The following AATF variants were observed in gnomAD, a reference collection of about 807,000 sequenced individuals.
AATF encodes the protein apoptosis antagonizing transcription factor, also known as protein AATF.
A neutral mutation model predicts 63.7 loss-of-function variants in AATF; 48 were observed. The observed-to-expected ratio is 0.75, with a 90% CI of 0.60 to 0.96. The LOEUF (loss-of-function observed/expected upper bound fraction) is 0.96. Among genes scored for constraint, AATF ranks in the 40% least tolerant of loss-of-function variants. The pLI, the probability that AATF is intolerant of heterozygous loss-of-function variation, is 0.00. For missense variants in AATF, 639 were observed against 685.7 expected, an observed-to-expected ratio of 0.93 and a Z score of 0.76; for synonymous variants, 258 against 247.7, an observed-to-expected ratio of 1.04 and a Z score of -0.39.
At chr17:37,015,238 G>A (rs2071420429) in intron 8 of AATF, among the ~76,000 whole-genome samples, 1 of 152,214 alleles carries the variant, frequency 6.6e-6, no homozygotes, top group Non-Finnish European at 1.5e-5. Flanking sequence ...CTCTTTGTTA[G>A]AGTAGCCTTG....
At chr17:36,993,078 G>A (rs898095289) in intron 8 of AATF, among the ~76,000 whole-genome samples, 2 of 152,198 alleles carry the variant, frequency 1.3e-5, no homozygotes, top group African/African-American at 2.4e-5. Context: ...AGGAATGGGT[G>A]CAAGTCTTGA....
chr17:37,040,137 CAG>C (rs1447229854), intron 11 of AATF, among the ~76,000 whole-genome samples: 1,933 of 152,134 alleles, frequency 0.013, 39 homozygotes, highest in African/African-American at 0.044. Flanking sequence ...CAATATCTTA[CAG>C]ATATTGTATT....
intron 7 of AATF, among the ~76,000 whole-genome samples, chr17:36,990,523 C>G (rs921437881): frequency 4.6e-5 from 7 of 152,082 alleles, no homozygotes; most frequent in African/African-American, 1.7e-4. Context: ...TCTTCTAATT[C>G]TAATTTACAC....
chr17:36,976,724 C>T (rs778284458), intron 4 of AATF, among the ~76,000 whole-genome samples: 4 of 152,104 alleles, frequency 2.6e-5, no homozygotes, highest in South Asian at 2.1e-4. Flanking sequence ...AGTGTTTTTA[C>T]GTAAACACAA....
chr17:36,999,944 CAA>C (rs1330298122), intron 8 of AATF: 1 of 152,250 alleles, frequency 6.6e-6, no homozygotes, highest in African/African-American at 2.4e-5. Context: ...GAGAGGAAGT[CAA>C]GAGGTAATGG....
intron 4 of AATF, among the ~76,000 whole-genome samples, chr17:36,982,755 A>G (rs2071137064): frequency 6.6e-6 from 1 of 152,166 alleles, no homozygotes; most frequent in Non-Finnish European, 1.5e-5. Context: ...GTCATTAAGG[A>G]CATTCACATT....
chr17:37,042,070 A>C (rs8072975), intron 11 of AATF, among the ~76,000 whole-genome samples: 2 of 151,864 alleles, frequency 1.3e-5, no homozygotes, highest in Non-Finnish European at 2.9e-5. Flanking sequence ...TGAATTCTCT[A>C]TATTATGGCT....
At chr17:37,051,895 A>G (rs1410099167) in intron 11 of AATF, among the ~76,000 whole-genome samples, 3 of 152,224 alleles carry the variant, frequency 2.0e-5, no homozygotes, top group Non-Finnish European at 4.4e-5. Context: ...CTACAGCTTA[A>G]TGACAGTTTA....
chr17:37,039,903 T>C (rs569652538), intron 11 of AATF, among the ~76,000 whole-genome samples: 1 of 152,336 alleles, frequency 6.6e-6, no homozygotes, highest in African/African-American at 2.4e-5. Flanking sequence ...GCACATCTTC[T>C]AGAAAGAGAT....
chr17:37,002,197 G>A (rs1249946803), intron 8 of AATF, among the ~76,000 whole-genome samples: 18 of 109,240 alleles, frequency 1.6e-4, no homozygotes, highest in Admixed American at 1.4e-3. Context: ...GGGAGACTCC[G>A]TCTCAAAAAA....
intron 8 of AATF, among the ~76,000 whole-genome samples, chr17:36,999,542 C>A (rs895893940): frequency 4.6e-5 from 7 of 152,164 alleles, no homozygotes; most frequent in African/African-American, 1.7e-4. Context: ...ACAGAAAGTT[C>A]TCTTGGAGCT....
At chr17:37,049,728 G>A (rs1194606768) in intron 11 of AATF, among the ~76,000 whole-genome samples, 3 of 152,174 alleles carry the variant, frequency 2.0e-5, no homozygotes, top group African/African-American at 4.8e-5. Context: ...CAGAATGGAG[G>A]CACGTGCTTT....
chr17:36,982,633 T>C (rs2071135922), intron 4 of AATF, among the ~76,000 whole-genome samples: 1 of 152,156 alleles, frequency 6.6e-6, no homozygotes, highest in Non-Finnish European at 1.5e-5. Context: ...ATTACAGGCG[T>C]GAGCCACCGC....
intron 8 of AATF, among the ~76,000 whole-genome samples, chr17:36,996,268 C>CA (rs980923733): frequency 6.6e-6 from 1 of 151,742 alleles, no homozygotes; most frequent in African/African-American, 2.4e-5. Flanking sequence ...TCCGTCTCTA[C>CA]AAAAAATGCA....
chr17:36,965,010 T>C (rs886751267), intron 4 of AATF, among the ~76,000 whole-genome samples: 1 of 152,210 alleles, frequency 6.6e-6, no homozygotes, highest in Non-Finnish European at 1.5e-5. Context: ...ATCTGAGTTC[T>C]TGTAGGTTTG....
intron 11 of AATF, among the ~76,000 whole-genome samples, chr17:37,035,383 C>A (rs918098330): frequency 6.6e-6 from 1 of 151,138 alleles, no homozygotes; most frequent in African/African-American, 2.4e-5. Flanking sequence ...CATGCACACA[C>A]GCCCTCCTTT....
In AATF at chr17:36,948,971, C is replaced by A. The variant is rs1215932773; in HGVS notation, c.-155C>A. 3.2e-6 allele frequency: 2 copies of A among 634,864 alleles called. No individual in the cohort carries two copies. Among genetic ancestry groups the A allele is most frequent in the Non-Finnish European group, 5.2e-6 (2 of 384,480 alleles). 39.3% of individuals were successfully genotyped at this position (634,864 alleles called of 1,614,324 possible). ...CCTCCCGCGCGCCTCCCGGAAGTGG[C>A]CGGTCCAGAGCTGTGGGGTGGCCTC... On this transcript the variant is annotated 5_prime_UTR_variant, in exon 1 of 12. Transcript: ENST00000619387.
At position 37,007,359 on chromosome 17, in the gene AATF, A is replaced by ATTTT. The variant is rs71368436; in HGVS notation, c.1399-11622_1399-11619dup. On this transcript the variant is annotated intron_variant, in intron 8 of 11. Transcript: ENST00000619387. ...TATGCCACCACACCTGGCTAATTTAATTTTTTTTTTTTTTTTTTTTTTTTT... is the reference window on the plus strand; with the variant it reads ...TATGCCACCACACCTGGCTAATTTAATTTTTTTTTTTTTTTTTTTTTTTTTTTTT... 3.9e-3 allele frequency among the ~76,000 whole-genome samples: 444 copies of ATTTT among 112,574 alleles called. 10 individuals carry two copies. Among genetic ancestry groups the ATTTT allele is most frequent in the African/African-American group, 0.016 (425 of 26,776 alleles). The allele number at this position is 112,574 out of a possible 152,430, so 73.9% of individuals were successfully genotyped here.
At chr17:37,037,451 T>A (rs991847660) in intron 11 of AATF, among the ~76,000 whole-genome samples, 2 of 152,122 alleles carry the variant, frequency 1.3e-5, no homozygotes, top group African/African-American at 4.8e-5. Context: ...CAAGAGCGGG[T>A]CAGTACTTTA....
Sources: allele counts gnomAD v4.1 joint callset (sites outside exome capture counted in the v4.1 genomes callset), GRCh38; gene constraint gnomAD v4.1.1; transcripts MANE v1.5; gene names NCBI Gene and HGNC (gene_info 2026-07-23, HGNC 2026-07-21).